Variants in PI15 observed in about 807,000 individuals in gnomAD.
The protein encoded by PI15 is 25 kDa trypsin inhibitor.
A neutral mutation model predicts 31.0 loss-of-function variants in PI15; 18 were observed. That is an observed-to-expected ratio of 0.58 (90% CI 0.40 to 0.86). The LOEUF (loss-of-function observed/expected upper bound fraction) is 0.86. Among genes scored for constraint, PI15 ranks in the 40% least tolerant of loss-of-function variants. PI15 has a pLI of 0.00. For missense variants in PI15, 282 were observed against 328.1 expected, an observed-to-expected ratio of 0.86 and a Z score of 1.09; for synonymous variants, 118 against 119.1, an observed-to-expected ratio of 0.99 and a Z score of 0.06.
intron 2 of PI15, among the ~76,000 whole-genome samples, chr8:74,827,528 T>A (rs894546158): frequency 2.6e-5 from 4 of 152,172 alleles, no homozygotes; most frequent in African/African-American, 9.6e-5. Flanking sequence ...AACATTGTGA[T>A]CTTCATTTTA....
chr8:74,831,080 AG>A, intron 2 of PI15, among the ~76,000 whole-genome samples: 1 of 152,200 alleles, frequency 6.6e-6, no homozygotes, highest in African/African-American at 2.4e-5. Context: ...GTAACCTTAA[AG>A]GTTCTTGCCT....
chr8:74,839,933 T>G (rs754956679), intron 2 of PI15, among the ~76,000 whole-genome samples: 1 of 152,196 alleles, frequency 6.6e-6, no homozygotes, highest in Non-Finnish European at 1.5e-5. Context: ...ACAATTTACA[T>G]CCTCATTTTC....
rs1811094372 is a variant in PI15 at position 74,850,802 on chromosome 8, T to C, written c.*1549T>C. 1 of 152,186 alleles carries C rather than the reference T, an allele frequency of 6.6e-6. No homozygotes were observed. The highest frequency in any genetic ancestry group is 6.5e-5 in the Admixed American group (1 of 15,274). 9.4% of individuals were successfully genotyped at this position (152,186 alleles called of 1,614,324 possible). A position where few individuals can be genotyped will look rare whatever the true frequency, so the allele number is the denominator to read the frequency against. ...CTCTTTCAGAGAGGAGAATACAACA[T>C]CTTAGTCCAGACATTTAACATACTG... On this transcript the variant is annotated 3_prime_UTR_variant, in exon 6 of 6. Coordinates refer to ENST00000260113, the MANE Select transcript of PI15 (RefSeq NM_015886.5).
At position 74,850,537 on chromosome 8, in the gene PI15, T is replaced by A. The variant is rs530330785; in HGVS notation, c.*1284T>A. 2 of 152,276 alleles carry A rather than the reference T, an allele frequency of 1.3e-5. No individual in the cohort carries two copies. The highest frequency in any genetic ancestry group is 4.1e-4 in the South Asian group (2 of 4,826). The allele number at this position is 152,276 out of a possible 1,614,324, so 9.4% of individuals were successfully genotyped here. A position where few individuals can be genotyped will look rare whatever the true frequency, so the allele number is the denominator to read the frequency against. ...TGTCATTGAATCAATCTACTTATCA[T>A]CTTGGGTCTTTGAGTATTGTATGAA... On this transcript the variant is annotated 3_prime_UTR_variant, in exon 6 of 6. Transcript: ENST00000260113.
chr8:74,837,163 A>G (rs1172254787), intron 2 of PI15, among the ~76,000 whole-genome samples: 1 of 152,080 alleles, frequency 6.6e-6, no homozygotes, highest in African/African-American at 2.4e-5. Flanking sequence ...AATCCTTTGG[A>G]TCTCACCTTT....
rs1490094628 is a variant in PI15, at chr8:74,825,560, TGAGA to T, written c.273+39_273+42del. ...CTTTTTTTTTTTTTTAAGTTCTGAG[TGAGA>T]AAGCTTTATATTGTACATCTGCAGA... On this transcript the variant is annotated intron_variant, in intron 2 of 5. Transcript: ENST00000260113. 1.1e-5 allele frequency: 16 copies of T among 1,521,748 alleles called. No individual in the cohort carries two copies. The African/African-American group carries it at 2.2e-4, about 21-fold the overall frequency. 94.3% of individuals were successfully genotyped at this position (1,521,748 alleles called of 1,614,324 possible).
At chr8:74,844,686 G>A (rs543882261) in intron 3 of PI15, among the ~76,000 whole-genome samples, 1 of 152,016 alleles carries the variant, frequency 6.6e-6, no homozygotes, top group Admixed American at 6.6e-5. Context: ...CCCCAAATAG[G>A]GAAGGAAAAT....
chr8:74,833,480 C>G (rs962455420), intron 2 of PI15, among the ~76,000 whole-genome samples: 1 of 151,822 alleles, frequency 6.6e-6, no homozygotes, highest in African/African-American at 2.4e-5. Flanking sequence ...TACCTGATTG[C>G]CTGGTTAGTT....
intron 2 of PI15, among the ~76,000 whole-genome samples, chr8:74,832,823 G>A (rs568236158): frequency 3.6e-4 from 54 of 152,042 alleles, no homozygotes; most frequent in African/African-American, 1.1e-3. Flanking sequence ...TGCCCAACAC[G>A]TTGCCCAACA....
intron 5 of PI15, among the ~76,000 whole-genome samples, chr8:74,846,178 CTTCCAAA>C (rs1811022839): frequency 6.6e-6 from 1 of 152,196 alleles, no homozygotes; most frequent in Admixed American, 6.5e-5. Flanking sequence ...CTCTTGGTGT[CTTCCAAA>C]ATAAGTCTCA....
intron 2 of PI15, 129 bp downstream of exon 2, chr8:74,825,651 T>C: frequency 1.4e-6 from 1 of 722,252 alleles, no homozygotes. Context: ...TATTTTAACC[T>C]AAGGTTCTTA....
chr8:74,850,206 TA>T lies in PI15; in HGVS notation c.*954del, dbSNP rs1173722929. On this transcript the variant is annotated 3_prime_UTR_variant, in exon 6 of 6. Coordinates refer to ENST00000260113, the MANE Select transcript of PI15 (RefSeq NM_015886.5). ...CTTCTGCTTCTCATGGGAATTTAGT[TA>T]CAGTGCTTGGAATGAGAAGGGGAAG... 1 of 152,214 alleles carries T rather than the reference TA, an allele frequency of 6.6e-6. No individual in the cohort carries two copies. The highest frequency in any genetic ancestry group is 1.5e-5 in the Non-Finnish European group (1 of 68,036). The allele number at this position is 152,214 out of a possible 1,614,324, so 9.4% of individuals were successfully genotyped here.
chr8:74,839,681 G>T (rs1318910086), intron 2 of PI15, among the ~76,000 whole-genome samples: 2 of 152,104 alleles, frequency 1.3e-5, no homozygotes, highest in Non-Finnish European at 2.9e-5. Context: ...TGTTGAATAT[G>T]GTTTAATAAG....
intron 2 of PI15, among the ~76,000 whole-genome samples, chr8:74,830,609 G>A (rs1810767463): frequency 6.6e-6 from 1 of 152,048 alleles, no homozygotes; most frequent in Admixed American, 6.6e-5. Flanking sequence ...GGCTTCATGT[G>A]GAAGAGAATG....
chr8:74,846,052 T>G (rs1211582350), intron 5 of PI15: 4 of 153,224 alleles, frequency 2.6e-5, no homozygotes, highest in Admixed American at 1.3e-4. Context: ...TTATCAGCAT[T>G]TGGTAAAATG....
rs1392699260 is a variant in PI15, at chr8:74,854,541, A to G, written c.*5288A>G. On this transcript the variant is annotated 3_prime_UTR_variant, in exon 6 of 6. Transcript: ENST00000260113. Reference sequence around the variant, plus strand: ...TAAAAACAATCAGCTAATAAAAAAAAAATTTGAGGGCCTAAATTATTTCAA... The same window carrying G: ...TAAAAACAATCAGCTAATAAAAAAAGAATTTGAGGGCCTAAATTATTTCAA... 1 of 152,090 alleles carries G rather than the reference A, an allele frequency of 6.6e-6. No individual in the cohort carries two copies. The highest frequency in any genetic ancestry group is 2.4e-5 in the African/African-American group (1 of 41,442). The allele number at this position is 152,090 out of a possible 1,614,324, so 9.4% of individuals were successfully genotyped here. A position where few individuals can be genotyped will look rare whatever the true frequency, so the allele number is the denominator to read the frequency against.
chr8:74,837,301 T>A (rs568506924), intron 2 of PI15, among the ~76,000 whole-genome samples: 2 of 152,232 alleles, frequency 1.3e-5, no homozygotes, highest in African/African-American at 4.8e-5. Flanking sequence ...TTTAATATCA[T>A]CTAATTAATT....
chr8:74,830,606 T>C (rs1362046870), intron 2 of PI15, among the ~76,000 whole-genome samples: 1 of 152,172 alleles, frequency 6.6e-6, no homozygotes, highest in African/African-American at 2.4e-5. Flanking sequence ...TTGGGCTTCA[T>C]GTGGAAGAGA....
chr8:74,825,148 A>T, intron 1 of PI15, 62 bp from the exon 2 acceptor site: 73 of 587,392 alleles, frequency 1.2e-4, no homozygotes, highest in Non-Finnish European at 1.9e-4. Context: ...TGTCTTTGTA[A>T]ATTCATACCC....
Sources: gnomAD v4.1 joint callset for allele counts (sites outside exome capture counted in the v4.1 genomes callset) on GRCh38, gnomAD v4.1.1 for gene constraint, MANE v1.5 for transcripts, NCBI Gene and HGNC (gene_info 2026-07-23, HGNC 2026-07-21) for gene names.